The following GABRB3 variants were observed in gnomAD, a reference collection of about 807,000 sequenced individuals.
GABRB3 encodes the protein gamma-aminobutyric acid receptor subunit beta-3.
Under a neutral mutation model 52.1 loss-of-function variants are expected in GABRB3, and 14 were observed. The ratio of observed to expected loss-of-function variants is 0.27; its 90% CI spans 0.18 to 0.42. The LOEUF (loss-of-function observed/expected upper bound fraction) is 0.42. Among genes scored for constraint, GABRB3 ranks in the 10% least tolerant of loss-of-function variants. The pLI, the probability that GABRB3 is intolerant of heterozygous loss-of-function variation, is 1.00. For synonymous variants in GABRB3, 260 were observed against 232.3 expected, an observed-to-expected ratio of 1.12 and a Z score of -1.08; for missense variants, 307 against 609.1, an observed-to-expected ratio of 0.50 and a Z score of 5.22.
chr15:26,735,295 T>C (rs770938253), intron 3 of GABRB3, among the ~76,000 whole-genome samples: 25 of 152,332 alleles, frequency 1.6e-4, no homozygotes, highest in Non-Finnish European at 2.6e-4. Context: ...TTGATGGGAA[T>C]GTAAAATGGT....
chr15:26,756,402 T>A (rs1401163993), intron 3 of GABRB3, among the ~76,000 whole-genome samples: 3 of 138,976 alleles, frequency 2.2e-5, no homozygotes, highest in African/African-American at 8.0e-5. Context: ...ACCCCCTCTC[T>A]ACTAAAAAAA....
At chr15:26,600,301 A>G (rs930644449) in intron 4 of GABRB3, among the ~76,000 whole-genome samples, 1 of 152,006 alleles carries the variant, frequency 6.6e-6, no homozygotes, top group East Asian at 1.9e-4. Context: ...AGTAGAAGAG[A>G]AAAAAAAGCC....
At chr15:26,629,177 G>A (rs1381170114) in intron 3 of GABRB3, 7 of 1,479,522 alleles carry the variant, frequency 4.7e-6, no homozygotes, top group Non-Finnish European at 6.3e-6. Flanking sequence ...AGCAGCTCCC[G>A]GGAGACGGAG....
chr15:26,757,832 T>G (rs1890704183), intron 3 of GABRB3, among the ~76,000 whole-genome samples: 1 of 152,212 alleles, frequency 6.6e-6, no homozygotes, highest in African/African-American at 2.4e-5. Context: ...AAAATCTCTC[T>G]CTATATAGCT....
At chr15:26,752,358 G>T (rs1182059775) in intron 3 of GABRB3, among the ~76,000 whole-genome samples, 1 of 151,528 alleles carries the variant, frequency 6.6e-6, no homozygotes, top group East Asian at 1.9e-4. Flanking sequence ...CAACCTCCTG[G>T]GTTCAAGAGA....
At chr15:26,578,940 T>A (rs1890690122) in intron 6 of GABRB3, among the ~76,000 whole-genome samples, 1 of 152,252 alleles carries the variant, frequency 6.6e-6, no homozygotes, top group African/African-American at 2.4e-5. Context: ...GGTAAACCTC[T>A]CAGTGCGTCT....
At chr15:26,583,110 G>A (rs1890848149) in intron 5 of GABRB3, among the ~76,000 whole-genome samples, 1 of 152,088 alleles carries the variant, frequency 6.6e-6, no homozygotes, top group Non-Finnish European at 1.5e-5. Context: ...AGGGGCATTT[G>A]TTTTCTTCTA....
In GABRB3 at chr15:26,567,705, A is replaced by G; in HGVS notation, c.711T>C (p.Phe237=). ...AGTATCCAATGTTCCTCTTCAACCGAAAGCTCAGTGACAGTCGAGGATAGG... is the reference window on the plus strand; with the variant it reads ...AGTATCCAATGTTCCTCTTCAACCGGAAGCTCAGTGACAGTCGAGGATAGG... ...TGAYPRLSLS[F]RLKRNIGYFI... is the part of the protein sequence containing the mutation. The change falls in exon 7 of 9, where the codon TTT becomes TTC. Residue 237 remains phenylalanine (F), a synonymous_variant. Coordinates refer to ENST00000311550, the MANE Select transcript of GABRB3 (RefSeq NM_000814.6). 6.2e-7 allele frequency: 1 copy of G among 1,614,136 alleles called. No homozygotes were observed. Among genetic ancestry groups the G allele is most frequent in the Non-Finnish European group, 8.5e-7 (1 of 1,180,046 alleles).
rs923462104 is a variant in GABRB3 at position 26,543,694 on chromosome 15, T to A, written c.*4099A>T. The A allele has an allele frequency of 1.3e-5, 2 of 152,642 alleles. No homozygotes were observed. Among genetic ancestry groups the A allele is most frequent in the Admixed American group, 1.3e-4 (2 of 15,272 alleles). The allele number at this position is 152,642 out of a possible 1,614,324, so 9.5% of individuals were successfully genotyped here. A position where few individuals can be genotyped will look rare whatever the true frequency, so the allele number is the denominator to read the frequency against. ...GCTTAAGCAAAACTGGGTTTAAATTTATCTTTACAATAAAATGAAATCAAC... is the reference window on the plus strand; with the variant it reads ...GCTTAAGCAAAACTGGGTTTAAATTAATCTTTACAATAAAATGAAATCAAC... On this transcript the variant is annotated 3_prime_UTR_variant, in exon 9 of 9. Coordinates refer to ENST00000311550, the MANE Select transcript of GABRB3 (RefSeq NM_000814.6).
At chr15:26,570,196 AG>A (rs2140704668) in intron 6 of GABRB3, among the ~76,000 whole-genome samples, 1 of 152,330 alleles carries the variant, frequency 6.6e-6, no homozygotes, top group South Asian at 2.1e-4. Context: ...ACCTATTTTG[AG>A]GGTTGGCAAT....
At chr15:26,663,944 C>CTGGT (rs1252487131) in intron 3 of GABRB3, among the ~76,000 whole-genome samples, 4 of 152,222 alleles carry the variant, frequency 2.6e-5, no homozygotes, top group Admixed American at 2.6e-4. Context: ...TCAGAGCCTA[C>CTGGT]TGGTATCAGC....
intron 3 of GABRB3, among the ~76,000 whole-genome samples, chr15:26,645,343 A>G (rs955327325): frequency 5.3e-5 from 8 of 152,212 alleles, no homozygotes; most frequent in African/African-American, 1.9e-4. Context: ...GTGTATCCAA[A>G]GATAGTGACT....
intron 4 of GABRB3, among the ~76,000 whole-genome samples, chr15:26,586,565 T>C (rs1354585436): frequency 6.6e-6 from 1 of 151,548 alleles, no homozygotes; most frequent in African/African-American, 2.4e-5. Context: ...CCAAGTACAG[T>C]AGCTGTCCAG....
chr15:26,759,853 C>A (rs1253113854), intron 3 of GABRB3, among the ~76,000 whole-genome samples: 1 of 152,210 alleles, frequency 6.6e-6, no homozygotes, highest in Non-Finnish European at 1.5e-5. Context: ...TACTTCTCTA[C>A]TGGATGGTTC....
intron 3 of GABRB3, among the ~76,000 whole-genome samples, chr15:26,723,011 G>A (rs1889683364): frequency 6.6e-6 from 1 of 152,178 alleles, no homozygotes; most frequent in Non-Finnish European, 1.5e-5. Flanking sequence ...TCAACCTTAA[G>A]ACATTCAGAG....
At chr15:26,626,131 C>T (rs1251647471) in intron 3 of GABRB3, among the ~76,000 whole-genome samples, 1 of 152,134 alleles carries the variant, frequency 6.6e-6, no homozygotes, top group African/African-American at 2.4e-5. Context: ...TATTTCATTA[C>T]TTTTATATTG....
intron 3 of GABRB3, among the ~76,000 whole-genome samples, chr15:26,709,515 CTTTT>C (rs57044167): frequency 9.8e-5 from 9 of 92,000 alleles, no homozygotes; most frequent in Admixed American, 1.5e-4. Flanking sequence ...TTTTTTCTTT[CTTTT>C]TTTTTTTTTT....
rs1329273078 is a variant in GABRB3, at chr15:26,621,460, G to A, written c.315C>T (p.Asn105=). ...CAGCCACTCGATTGTCAAGCGTGAG[G>A]TTGAGAGGGATCCCAGAATAGGCGA... is the stretch of plus-strand genomic sequence containing the variant. ...KRLAYSGIPL[N]LTLDNRVADQ... Residue 105 remains asparagine, a synonymous_variant, in exon 4 of 9, where the codon AAC becomes AAT. Coordinates refer to ENST00000311550, the MANE Select transcript of GABRB3 (RefSeq NM_000814.6). This position sits in a 1 kb window ranked among gnomAD's most constrained non-coding sequence, Gnocchi z 4.1. The A allele has an allele frequency of 6.2e-7, 1 of 1,614,038 alleles. No homozygotes were observed. The highest frequency in any genetic ancestry group is 1.3e-5 in the African/African-American group (1 of 74,934).
intron 5 of GABRB3, among the ~76,000 whole-genome samples, chr15:26,582,832 T>C (rs1269360697): frequency 6.6e-6 from 1 of 152,096 alleles, no homozygotes. Flanking sequence ...AGGAGGGACA[T>C]TGTTAGATGT....
Sources: allele counts gnomAD v4.1 joint callset (sites outside exome capture counted in the v4.1 genomes callset), GRCh38; gene constraint gnomAD v4.1.1; non-coding constraint Gnocchi (gnomAD v3.1); transcripts MANE v1.5; gene names NCBI Gene and HGNC (gene_info 2026-07-23, HGNC 2026-07-21).